Variants in RAB11FIP2 observed in about 807,000 individuals in gnomAD.
RAB11FIP2 encodes RAB11 family interacting protein 2.
In RAB11FIP2, 16 loss-of-function variants were observed where a neutral mutation model predicts 40.9. That is an observed-to-expected ratio of 0.39 (90% CI 0.26 to 0.59). The LOEUF (loss-of-function observed/expected upper bound fraction) is 0.59. Ranked by LOEUF, RAB11FIP2 falls within the 20% of genes least tolerant of loss-of-function variation. The pLI, the probability that RAB11FIP2 is intolerant of heterozygous loss-of-function variation, is 0.53. For missense variants in RAB11FIP2, 532 were observed against 606.2 expected (o/e 0.88, Z 1.28); for synonymous variants, 228 against 213.7 (o/e 1.07, Z -0.58).
intron 3 of RAB11FIP2, chr10:118,017,590 G>A (rs1267648077): frequency 1.3e-5 from 2 of 152,168 alleles, no homozygotes; most frequent in African/African-American, 2.4e-5. Context: ...CAGCAGGGTC[G>A]GCAGGAGCCC....
In RAB11FIP2 at chr10:118,046,856, T is replaced by C. The variant is rs1846652786; in HGVS notation, c.-693A>G. 1 of 152,406 alleles carries C rather than the reference T, an allele frequency of 6.6e-6. No homozygotes were observed. Among genetic ancestry groups the C allele is most frequent in the Non-Finnish European group, 1.5e-5 (1 of 68,410 alleles). The allele number at this position is 152,406 out of a possible 1,614,324, so 9.4% of individuals were successfully genotyped here. ...AGGGCTGCGGGCGCTTGGTTCGGCCTGGCCCGGCCGGCGGCTCCTAACACC... is the reference window on the plus strand; with the variant it reads ...AGGGCTGCGGGCGCTTGGTTCGGCCCGGCCCGGCCGGCGGCTCCTAACACC... On this transcript the variant is annotated 5_prime_UTR_variant, in exon 1 of 5. Coordinates refer to ENST00000355624, the MANE Select transcript of RAB11FIP2 (RefSeq NM_014904.3).
chr10:118,022,934 G>A (rs1482963742), intron 3 of RAB11FIP2, among the ~76,000 whole-genome samples: 3 of 152,202 alleles, frequency 2.0e-5, no homozygotes, highest in Non-Finnish European at 2.9e-5. Context: ...AAGAGTGGAA[G>A]AAATAATCTT....
chr10:118,026,859 T>C (rs1007685334), intron 3 of RAB11FIP2, among the ~76,000 whole-genome samples: 1 of 152,218 alleles, frequency 6.6e-6, no homozygotes, highest in African/African-American at 2.4e-5. Context: ...TAGTTTTATC[T>C]CATCAAAGAT....
intron 3 of RAB11FIP2, among the ~76,000 whole-genome samples, chr10:118,037,986 T>C (rs1473485953): frequency 1.3e-5 from 2 of 152,106 alleles, no homozygotes; most frequent in Non-Finnish European, 2.9e-5. Context: ...TACACTGTAC[T>C]GTTTTTTAAA....
intron 3 of RAB11FIP2, among the ~76,000 whole-genome samples, chr10:118,019,406 C>T (rs775989789): frequency 1.8e-4 from 28 of 152,116 alleles, no homozygotes; most frequent in Non-Finnish European, 3.1e-4. Flanking sequence ...CTTTCTCAAA[C>T]GCCAGTCAAC....
chr10:118,019,405 A>G (rs1041849601), intron 3 of RAB11FIP2, among the ~76,000 whole-genome samples: 6 of 152,174 alleles, frequency 3.9e-5, no homozygotes, highest in African/African-American at 1.4e-4. Flanking sequence ...ACTTTCTCAA[A>G]CGCCAGTCAA....
At chr10:118,028,514 C>T (rs976905001) in intron 3 of RAB11FIP2, among the ~76,000 whole-genome samples, 2 of 152,036 alleles carry the variant, frequency 1.3e-5, no homozygotes, top group Non-Finnish European at 2.9e-5. Context: ...TAAAACACCT[C>T]CGCTACAAGG....
intron 4 of RAB11FIP2, among the ~76,000 whole-genome samples, chr10:118,010,767 C>T (rs1271191364): frequency 3.3e-5 from 5 of 151,884 alleles, no homozygotes; most frequent in African/African-American, 1.2e-4. Context: ...AGTTTGCAGG[C>T]AGAAATGCGT....
Position 118,040,179 on chromosome 10 carries a change from C to T in RAB11FIP2, c.740G>A (p.Gly247Asp), listed in dbSNP as rs934423660. 3.1e-6 allele frequency: 5 copies of T among 1,613,800 alleles called. No individual in the cohort carries two copies. Among genetic ancestry groups the T allele is most frequent in the Non-Finnish European group, 3.4e-6 (4 of 1,179,764 alleles). The change falls in exon 2 of 5, where the codon GGT becomes GAT. Residue 247 changes from glycine (G) to aspartate (D), a missense_variant. Gly to Asp is a moderately conservative substitution (Grantham distance 94). Transcript: ENST00000355624. ...CTGGTGTCCGAGAAGATGTGTTTGA[C>T]CTATGGTGCCAGCCTTCAGTTTCTC... is the stretch of plus-strand genomic sequence containing the variant. ...SSEKLKAGTIGQTHLLGHQLD... is the reference protein window; with the variant it reads ...SSEKLKAGTIDQTHLLGHQLD...
chr10:118,036,954 T>G (rs1032539808), intron 3 of RAB11FIP2, among the ~76,000 whole-genome samples: 3 of 152,062 alleles, frequency 2.0e-5, no homozygotes, highest in African/African-American at 7.2e-5. Flanking sequence ...AAATACTCAA[T>G]AAGCTTTTTT....
chr10:118,031,248 G>A (rs1000930946), intron 3 of RAB11FIP2, among the ~76,000 whole-genome samples: 18 of 151,378 alleles, frequency 1.2e-4, no homozygotes, highest in Non-Finnish European at 2.4e-4. Context: ...ACTCATTCAG[G>A]AAAAAAAAGT....
intron 3 of RAB11FIP2, among the ~76,000 whole-genome samples, chr10:118,016,758 C>T (rs1265825924): frequency 6.6e-6 from 1 of 151,944 alleles, no homozygotes; most frequent in Admixed American, 6.6e-5. Flanking sequence ...GGTGTGAATT[C>T]AAATCCTGTT....
At chr10:118,022,515 T>C (rs1225435978) in intron 3 of RAB11FIP2, among the ~76,000 whole-genome samples, 1 of 152,160 alleles carries the variant, frequency 6.6e-6, no homozygotes, top group African/African-American at 2.4e-5. Context: ...CATCCCCTAA[T>C]GCCAAGGAAC....
rs1269528204 is a variant in RAB11FIP2 at position 118,009,217 on chromosome 10, G to T, written c.1320C>A (p.Asn440Lys). ...NEDLRKIPDS[N>K]PFDATAGYRS... The stretch of plus-strand genomic sequence containing the variant: ...GATACCCTGCAGTGGCATCAAAGGG[G>T]TTGCTGTCCTAGAACAGGATAAAGA... Residue 440 changes from asparagine to lysine, a missense_variant, in exon 5 of 5, where the codon AAC becomes AAA. Physicochemically the swap from Asn to Lys is moderately conservative, Grantham distance 94. Transcript: ENST00000355624. 1 of 1,611,864 alleles carries T rather than the reference G, an allele frequency of 6.2e-7. No homozygotes were observed. The highest frequency in any genetic ancestry group is 1.7e-5 in the Admixed American group (1 of 59,940).
At chr10:118,045,506 G>A (rs1236744919) in intron 1 of RAB11FIP2, 1 of 255,932 alleles carries the variant, frequency 3.9e-6, no homozygotes, top group African/African-American at 2.3e-5. Context: ...AGTTCTAGTT[G>A]GTCAATACTG....
chr10:118,009,473 A>T (rs1351270331), intron 4 of RAB11FIP2, among the ~76,000 whole-genome samples: 1 of 152,120 alleles, frequency 6.6e-6, no homozygotes, highest in Non-Finnish European at 1.5e-5. Flanking sequence ...GCAATTTCCT[A>T]ATATCTGAGA....
intron 3 of RAB11FIP2, among the ~76,000 whole-genome samples, chr10:118,027,685 T>C (rs1284490563): frequency 1.3e-5 from 2 of 152,174 alleles, no homozygotes; most frequent in Non-Finnish European, 2.9e-5. Flanking sequence ...AGTCAGGGAA[T>C]GACATAGAAT....
intron 3 of RAB11FIP2, among the ~76,000 whole-genome samples, chr10:118,036,230 C>T (rs1846479384): frequency 1.3e-5 from 2 of 152,006 alleles, no homozygotes; most frequent in South Asian, 2.1e-4. Flanking sequence ...GAAGAAAATG[C>T]AGTTCCATGG....
intron 3 of RAB11FIP2, among the ~76,000 whole-genome samples, chr10:118,037,905 C>T (rs1308952923): frequency 6.6e-6 from 1 of 152,030 alleles, no homozygotes; most frequent in African/African-American, 2.4e-5. Flanking sequence ...TACGCAACCT[C>T]CCATATATTT....
Sources: gnomAD v4.1 joint callset for allele counts (sites outside exome capture counted in the v4.1 genomes callset) on GRCh38, gnomAD v4.1.1 for gene constraint, MANE v1.5 for transcripts, NCBI Gene and HGNC (gene_info 2026-07-23, HGNC 2026-07-21) for gene names.